The following ADAM12 variants were observed in gnomAD, a reference collection of about 807,000 sequenced individuals.
ADAM12 encodes ADAM metallopeptidase domain 12.
In ADAM12, 70 loss-of-function variants were observed where a neutral mutation model predicts 106.4. That is an observed-to-expected ratio of 0.66 (90% CI 0.54 to 0.80). The LOEUF (loss-of-function observed/expected upper bound fraction) is 0.80, where lower values mean the gene tolerates loss of function less well. Ranked by LOEUF, ADAM12 falls within the 30% of genes least tolerant of loss-of-function variation. ADAM12 has a pLI of 0.00. For synonymous variants in ADAM12, 420 were observed against 433.5 expected (o/e 0.97, Z 0.39); for missense variants, 1,010 against 1,171.9 (o/e 0.86, Z 2.02).
intron 2 of ADAM12, among the ~76,000 whole-genome samples, chr10:126,307,004 C>T (rs564694498): frequency 6.6e-6 from 1 of 152,300 alleles, no homozygotes; most frequent in East Asian, 1.9e-4. Flanking sequence ...TATGTAGTTA[C>T]ACTTTTCACC....
chr10:126,093,401 T>C (rs146921457), intron 11 of ADAM12, among the ~76,000 whole-genome samples: 3 of 152,286 alleles, frequency 2.0e-5, no homozygotes, highest in East Asian at 3.9e-4. Context: ...AGGAACAGCA[T>C]TGTAATATAC....
At chr10:126,026,282 C>T (rs1953871803) in intron 21 of ADAM12, among the ~76,000 whole-genome samples, 1 of 152,158 alleles carries the variant, frequency 6.6e-6, no homozygotes. Flanking sequence ...ATAAGAAGAG[C>T]TAACTATCCT....
At chr10:126,190,808 C>A (rs1957485031) in intron 3 of ADAM12, among the ~76,000 whole-genome samples, 1 of 151,894 alleles carries the variant, frequency 6.6e-6, no homozygotes, top group African/African-American at 2.4e-5. Flanking sequence ...AATGTTCCCA[C>A]ACAGGGCAGA....
At chr10:126,084,288 C>T (rs1354491891) in intron 11 of ADAM12, among the ~76,000 whole-genome samples, 1 of 152,138 alleles carries the variant, frequency 6.6e-6, no homozygotes, top group Admixed American at 6.5e-5. Flanking sequence ...TTTCTTCCTG[C>T]ACCAAGTCCT....
chr10:126,149,776 C>A (rs1390121018), intron 4 of ADAM12, among the ~76,000 whole-genome samples: 1 of 152,168 alleles, frequency 6.6e-6, no homozygotes, highest in Non-Finnish European at 1.5e-5. Context: ...GGTTCTCGGG[C>A]CTTCAGCCAC....
chr10:126,343,360 A>G (rs908392309), intron 1 of ADAM12, among the ~76,000 whole-genome samples: 4 of 152,180 alleles, frequency 2.6e-5, no homozygotes, highest in African/African-American at 9.7e-5. Context: ...ATATCAACTC[A>G]TCATTTTTTA....
chr10:126,311,094 T>TACACACACACACACACACACACACAC (rs67514376), intron 2 of ADAM12, among the ~76,000 whole-genome samples: 4 of 138,452 alleles, frequency 2.9e-5, no homozygotes, highest in Non-Finnish European at 4.7e-5. Flanking sequence ...TACACACAAA[T>TACACACACACACACACACACACACAC]ACACACACAC....
At chr10:126,166,370 C>T (rs1235248362) in intron 3 of ADAM12, among the ~76,000 whole-genome samples, 1 of 152,172 alleles carries the variant, frequency 6.6e-6, no homozygotes, top group Non-Finnish European at 1.5e-5. Flanking sequence ...TCCACCTTTG[C>T]AGCTCTCCAG....
chr10:126,030,896 C>T (rs1953960517), intron 21 of ADAM12, among the ~76,000 whole-genome samples: 2 of 152,182 alleles, frequency 1.3e-5, no homozygotes, highest in Admixed American at 1.3e-4. Flanking sequence ...TGGAGAATGA[C>T]ACTGTGACAA....
intron 18 of ADAM12, chr10:126,042,384 T>G (rs1277472361): frequency 1.9e-6 from 2 of 1,051,678 alleles, no homozygotes; most frequent in Non-Finnish European, 2.7e-6. Context: ...ACTAAGAGCT[T>G]CTTGGGGGAC....
rs1310215943 is a variant in ADAM12 at position 126,064,047 on chromosome 10, T to C, written c.1609+759A>G. ...TCCTAGCCCGGAGACCTGGGGAAAC[T>C]GACATTTGGTCTCAGAGTTTGAGCA... is the stretch of plus-strand genomic sequence containing the variant. On this transcript the variant is annotated intron_variant, in intron 14 of 22. Transcript: ENST00000448723. The surrounding 1 kb of genome is among the most constrained non-coding windows in gnomAD (Gnocchi z 4.4). Among the ~76,000 whole-genome samples, 1 of 152,216 alleles carries C rather than the reference T, an allele frequency of 6.6e-6. No individual in the cohort carries two copies. The highest frequency in any genetic ancestry group is 1.5e-5 in the Non-Finnish European group (1 of 68,044).
intron 17 of ADAM12, among the ~76,000 whole-genome samples, chr10:126,044,610 A>G (rs1289768821): frequency 6.6e-6 from 1 of 152,232 alleles, no homozygotes; most frequent in East Asian, 1.9e-4. Context: ...ATACAGTTTC[A>G]TATTTTAAGG....
At position 126,313,288 on chromosome 10, in the gene ADAM12, A is replaced by G. The variant is rs536951900; in HGVS notation, c.186+17124T>C. On this transcript the variant is annotated intron_variant, in intron 2 of 22. Transcript: ENST00000448723. Reference sequence around the variant, plus strand: ...TTGAGAGGGCCAAGAAACCAAGGTGAAAAGTACAATGTCTCCTATGACTTA... The same window carrying G: ...TTGAGAGGGCCAAGAAACCAAGGTGGAAAGTACAATGTCTCCTATGACTTA... Among the ~76,000 whole-genome samples the G allele has an allele frequency of 3.9e-5, 6 of 152,320 alleles. No homozygotes were observed. The South Asian group carries it at 1.2e-3, about 32-fold the overall frequency.
chr10:126,052,329 C>T (rs987534257), intron 14 of ADAM12, among the ~76,000 whole-genome samples: 1 of 152,216 alleles, frequency 6.6e-6, no homozygotes, highest in Admixed American at 6.5e-5. Context: ...CTCGGAAATA[C>T]AAGCAGCTCC....
intron 2 of ADAM12, among the ~76,000 whole-genome samples, chr10:126,322,474 G>A (rs1426744334): frequency 6.6e-6 from 1 of 152,212 alleles, no homozygotes; most frequent in Non-Finnish European, 1.5e-5. Flanking sequence ...CTAGAAGAGG[G>A]TGGCGCTGGC....
intron 3 of ADAM12, among the ~76,000 whole-genome samples, chr10:126,278,619 G>A (rs1444223753): frequency 6.6e-6 from 1 of 152,120 alleles, no homozygotes; most frequent in African/African-American, 2.4e-5. Flanking sequence ...TCTGTTATTT[G>A]AACAGTACAG....
At chr10:126,188,562 C>G (rs951543328) in intron 3 of ADAM12, among the ~76,000 whole-genome samples, 2 of 152,198 alleles carry the variant, frequency 1.3e-5, no homozygotes, top group African/African-American at 4.8e-5. Context: ...TGTGAACTTA[C>G]AGCTCAGTGT....
At chr10:126,124,048 C>T (rs1000697852) in intron 5 of ADAM12, among the ~76,000 whole-genome samples, 4 of 152,264 alleles carry the variant, frequency 2.6e-5, no homozygotes, top group African/African-American at 4.8e-5. Flanking sequence ...TCCAAAGCCA[C>T]GATGCAGCAG....
chr10:126,314,050 G>A (rs1404129300), intron 2 of ADAM12, among the ~76,000 whole-genome samples: 2 of 151,928 alleles, frequency 1.3e-5, no homozygotes, highest in South Asian at 2.1e-4. Context: ...GCATTCCCAA[G>A]GACATTCCCA....
Sources: allele counts gnomAD v4.1 joint callset (sites outside exome capture counted in the v4.1 genomes callset), GRCh38; gene constraint gnomAD v4.1.1; non-coding constraint Gnocchi (gnomAD v3.1); transcripts MANE v1.5; gene names NCBI Gene and HGNC (gene_info 2026-07-23, HGNC 2026-07-21).